Variants in JADE3 observed in about 807,000 individuals in gnomAD.
The protein encoded by JADE3 is protein Jade-3.
In JADE3, 2 loss-of-function variants were observed where a neutral mutation model predicts 50.1. The ratio of observed to expected loss-of-function variants is 0.04; its 90% CI spans 0.02 to 0.13. The LOEUF is 0.13. Among genes scored for constraint, JADE3 ranks in the 10% least tolerant of loss-of-function variants. The pLI, the probability that JADE3 is intolerant of heterozygous loss-of-function variation, is 1.00. For missense variants in JADE3, 475 were observed against 634.4 expected (o/e 0.75, Z 2.70); for synonymous variants, 218 against 232.9 (o/e 0.94, Z 0.58).
At chrX:47,007,068 T>C (rs1928445020) in intron 4 of JADE3, among the ~76,000 whole-genome samples, 1 of 110,768 alleles carries the variant, frequency 9.0e-6, no homozygotes, top group South Asian at 3.9e-4. Context: ...CCTCCCAAAG[T>C]GCTGGGATTA....
In JADE3 at chrX:47,058,472, T is replaced by C. The variant is rs782091904; in HGVS notation, c.1867T>C (p.Trp623Arg). The change falls in exon 11 of 11, where the codon TGG becomes CGG. Residue 623 changes from tryptophan to arginine, a missense_variant. By Grantham distance (101) the Trp-to-Arg change is moderately radical (BLOSUM62 -3). Coordinates refer to ENST00000614628, the MANE Select transcript of JADE3 (RefSeq NM_014735.5). The stretch of plus-strand genomic sequence containing the variant: ...TGAAGCAAAGGAGTCCAGTCCTGCT[T>C]GGAGAACCCCGTCCTCGGAGTGCTA... ...RSEAKESSPA[W>R]RTPSSECYHG... The C allele has an allele frequency of 8.3e-7, 1 of 1,211,447 alleles. No individual in the cohort carries two copies. Among genetic ancestry groups the C allele is most frequent in the Non-Finnish European group, 1.1e-6 (1 of 895,259 alleles).
intron 1 of JADE3, among the ~76,000 whole-genome samples, chrX:46,920,047 G>A (rs782747506): frequency 3.9e-4 from 43 of 111,182 alleles, no homozygotes; most frequent in Non-Finnish European, 7.5e-4. Context: ...CAGGTAGAGG[G>A]TGAGAGGGAG....
Position 47,001,343 on chromosome X carries a change from C to T in JADE3, c.284+3066C>T, listed in dbSNP as rs542262321. 2.7e-5 allele frequency among the ~76,000 whole-genome samples: 3 copies of T among 111,620 alleles called. No individual in the cohort carries two copies. The South Asian group carries it at 1.1e-3, about 42-fold the overall frequency. On this transcript the variant is annotated intron_variant, in intron 4 of 10. Coordinates refer to ENST00000614628, the MANE Select transcript of JADE3 (RefSeq NM_014735.5). ...TGAGAATTTGCATTTCTAACAACTC[C>T]TGACATGATACTGATGCCACTAGTC...
At chrX:47,056,749 G>A (rs1173681251) in intron 10 of JADE3, among the ~76,000 whole-genome samples, 2 of 112,002 alleles carry the variant, frequency 1.8e-5, no homozygotes, top group Non-Finnish European at 3.8e-5. Context: ...CACTTGGTGA[G>A]CAAGACAGGT....
At chrX:46,983,199 A>T (rs782699300) in intron 1 of JADE3, among the ~76,000 whole-genome samples, 15 of 111,852 alleles carry the variant, frequency 1.3e-4, no homozygotes, top group African/African-American at 3.9e-4. Context: ...TCAGTTGCAA[A>T]TGAAGTCAGT....
At chrX:46,993,804 T>C (rs1556356625) in intron 3 of JADE3, among the ~76,000 whole-genome samples, 3 of 112,409 alleles carry the variant, frequency 2.7e-5, no homozygotes, top group Non-Finnish European at 5.6e-5. Flanking sequence ...AACAGAGTTT[T>C]TAAGGGTTTT....
At chrX:46,970,913 CG>C (rs1227892165) in intron 1 of JADE3, among the ~76,000 whole-genome samples, 4 of 110,625 alleles carry the variant, frequency 3.6e-5, no homozygotes, top group Admixed American at 9.6e-5. Flanking sequence ...AATGGGAAAT[CG>C]TTTTTTTAAA....
At chrX:47,039,269 G>A (rs1453486865) in intron 8 of JADE3, among the ~76,000 whole-genome samples, 6 of 111,235 alleles carry the variant, frequency 5.4e-5, no homozygotes, top group Admixed American at 2.9e-4. Flanking sequence ...TTCAATATTC[G>A]TAGTGATAGT....
At chrX:46,965,224 G>A (rs781833776) in intron 1 of JADE3, among the ~76,000 whole-genome samples, 2 of 111,173 alleles carry the variant, frequency 1.8e-5, no homozygotes, top group East Asian at 5.7e-4. Flanking sequence ...TCAGTGAATG[G>A]AGGAAATGAT....
chrX:47,007,802 T>A (rs1928462136), intron 4 of JADE3, among the ~76,000 whole-genome samples: 1 of 76,122 alleles, frequency 1.3e-5, no homozygotes, highest in African/African-American at 5.3e-5. Flanking sequence ...GCGTGTCCTT[T>A]TATTTTGTGT....
chrX:46,981,697 T>G (rs1556353077), intron 1 of JADE3, among the ~76,000 whole-genome samples: 11 of 112,343 alleles, frequency 9.8e-5, no homozygotes, highest in Non-Finnish European at 1.9e-5. Context: ...ATGACAGCTT[T>G]GAGATATAAT....
chrX:47,024,598 T>G (rs1556365117), intron 4 of JADE3, 126 bp from the exon 5 acceptor site: 1 of 405,612 alleles, frequency 2.5e-6, no homozygotes, highest in African/African-American at 2.6e-5. Flanking sequence ...AAAACTAAAT[T>G]TGTAAAACCA....
chrX:47,037,628 AAAT>A (rs782535697), intron 7 of JADE3, among the ~76,000 whole-genome samples: 199 of 111,908 alleles, frequency 1.8e-3, no homozygotes, highest in Middle Eastern at 9.3e-3. Context: ...TCTACAAAAA[AAAT>A]AATAATAATT....
At chrX:47,053,400 A>C (rs1929561931) in intron 8 of JADE3, among the ~76,000 whole-genome samples, 1 of 110,845 alleles carries the variant, frequency 9.0e-6, no homozygotes, top group Admixed American at 9.6e-5. Flanking sequence ...CTGGGACTAC[A>C]GACATGCACC....
At chrX:47,010,515 C>T (rs1928536886) in intron 4 of JADE3, among the ~76,000 whole-genome samples, 1 of 112,237 alleles carries the variant, frequency 8.9e-6, no homozygotes, top group Admixed American at 9.4e-5. Flanking sequence ...CGCGCCCGGC[C>T]ATGTAAATTT....
intron 8 of JADE3, among the ~76,000 whole-genome samples, chrX:47,047,619 G>A (rs1929406161): frequency 9.0e-6 from 1 of 110,909 alleles, no homozygotes; most frequent in Admixed American, 9.6e-5. Flanking sequence ...GCAGTAATAA[G>A]AAAGGCAAAC....
At chrX:46,988,870 C>T (rs1927919833) in intron 3 of JADE3, among the ~76,000 whole-genome samples, 1 of 112,265 alleles carries the variant, frequency 8.9e-6, no homozygotes, top group African/African-American at 3.2e-5. Context: ...GACGGAGTCT[C>T]GCTCTGTCGC....
At chrX:47,010,481 G>A (rs1296540202) in intron 4 of JADE3, among the ~76,000 whole-genome samples, 1 of 112,040 alleles carries the variant, frequency 8.9e-6, no homozygotes, top group Non-Finnish European at 1.9e-5. Flanking sequence ...GCCTGGCTTG[G>A]CTGGGATTAC....
chrX:47,003,064 AT>A (rs781804780), intron 4 of JADE3, among the ~76,000 whole-genome samples: 1 of 110,687 alleles, frequency 9.0e-6, no homozygotes, highest in Non-Finnish European at 1.9e-5. Flanking sequence ...TGATCAGGTG[AT>A]TTTTTTTCTT....
Sources: gnomAD v4.1 joint callset for allele counts (sites outside exome capture counted in the v4.1 genomes callset) on GRCh38, gnomAD v4.1.1 for gene constraint, MANE v1.5 for transcripts, NCBI Gene and HGNC (gene_info 2026-07-23, HGNC 2026-07-21) for gene names.